The following CYP19A1 variants were observed in gnomAD, a reference collection of about 807,000 sequenced individuals.
CYP19A1 encodes cytochrome P450 family 19 subfamily A member 1, also known as aromatase.
A neutral mutation model predicts 44.4 loss-of-function variants in CYP19A1; 32 were observed. That is an observed-to-expected ratio of 0.72 (90% confidence interval 0.54 to 0.97). The LOEUF is 0.97. CYP19A1 is among the 50% of genes least tolerant of loss of function. The pLI is 0.00. For missense variants in CYP19A1, 598 were observed against 637.8 expected, an observed-to-expected ratio of 0.94 and a Z score of 0.67; for synonymous variants, 212 against 215.6, an observed-to-expected ratio of 0.98 and a Z score of 0.14.
chr15:51,299,630 A>G (rs756462260), intron 1 of CYP19A1, among the ~76,000 whole-genome samples: 8 of 152,228 alleles, frequency 5.3e-5, no homozygotes, highest in Non-Finnish European at 1.2e-4. Context: ...GTTTTCATGC[A>G]GTTCCCCACA....
chr15:51,252,450 A>G (rs557506253), intron 1 of CYP19A1, among the ~76,000 whole-genome samples: 3 of 152,366 alleles, frequency 2.0e-5, no homozygotes, highest in South Asian at 4.1e-4. Context: ...TTTCCAGGTT[A>G]TAAGAGAATA....
intron 3 of CYP19A1, among the ~76,000 whole-genome samples, chr15:51,230,296 A>G (rs1038149746): frequency 6.6e-6 from 1 of 152,172 alleles, no homozygotes; most frequent in Non-Finnish European, 1.5e-5. Context: ...GCCAGAGGCA[A>G]GTGTTATACT....
Position 51,331,942 on chromosome 15 carries a change from T to TAC in CYP19A1, c.-39+6551_-39+6552dup, listed in dbSNP as rs150596575. On this transcript the variant is annotated intron_variant, in intron 1 of 9. Coordinates refer to ENST00000396402, the MANE Select transcript of CYP19A1 (RefSeq NM_000103.4). ...GTGTATATATATATATATACACACATACACACACACACATACATATATATA... is the reference window on the plus strand; with the variant it reads ...GTGTATATATATATATATACACACATACACACACACACACATACATATATATA... 0.015 allele frequency among the ~76,000 whole-genome samples: 2,287 copies of TAC among 151,376 alleles called. 190 individuals carry two copies. In the East Asian group the frequency reaches 0.25, roughly 17 times the overall value.
At chr15:51,274,179 C>G (rs950121272) in intron 1 of CYP19A1, among the ~76,000 whole-genome samples, 3 of 152,142 alleles carry the variant, frequency 2.0e-5, no homozygotes, top group Non-Finnish European at 2.9e-5. Context: ...GTACCACACA[C>G]CAGGCAAGAA....
At chr15:51,264,551 A>C (rs1453098314) in intron 1 of CYP19A1, among the ~76,000 whole-genome samples, 2 of 152,208 alleles carry the variant, frequency 1.3e-5, no homozygotes, top group Non-Finnish European at 2.9e-5. Flanking sequence ...CACTAACACC[A>C]GCTCCCAGCA....
chr15:51,249,287 A>G (rs1005191336), intron 1 of CYP19A1, among the ~76,000 whole-genome samples: 5 of 151,956 alleles, frequency 3.3e-5, no homozygotes, highest in African/African-American at 9.7e-5. Flanking sequence ...TCTCCACTCA[A>G]AGTCTGACTC....
intron 1 of CYP19A1, among the ~76,000 whole-genome samples, chr15:51,296,979 C>T (rs1017471491): frequency 3.9e-5 from 6 of 152,128 alleles, no homozygotes; most frequent in Non-Finnish European, 7.4e-5. Context: ...AGTTGGATTG[C>T]GAACTGTTTT....
At chr15:51,211,567 G>A (rs2030987338) in intron 9 of CYP19A1, 2 of 371,470 alleles carry the variant, frequency 5.4e-6, no homozygotes, top group Admixed American at 3.5e-5. Context: ...TATAGTAGAT[G>A]TTCAATAAAT....
chr15:51,260,974 C>G (rs993982021), intron 1 of CYP19A1, among the ~76,000 whole-genome samples: 2 of 152,260 alleles, frequency 1.3e-5, no homozygotes, highest in South Asian at 4.1e-4. Flanking sequence ...CACAGTCCAC[C>G]ACTGCTGAAT....
intron 1 of CYP19A1, among the ~76,000 whole-genome samples, chr15:51,284,203 A>G (rs1472109837): frequency 6.6e-6 from 1 of 152,218 alleles, no homozygotes; most frequent in Non-Finnish European, 1.5e-5. Flanking sequence ...GGTAGTACTA[A>G]TCCTGCAGGA....
chr15:51,255,943 A>G lies in CYP19A1; in HGVS notation c.-38-12993T>C, dbSNP rs143188227. 5.3e-5 allele frequency among the ~76,000 whole-genome samples: 8 copies of G among 152,352 alleles called. No homozygotes were observed. In the East Asian group the frequency reaches 9.6e-4, roughly 18 times the overall value. ...CTATCCTGAAAATGATGGCCCCAGA[A>G]GTGACAAAGTTGCCCAAACAGTTCA... is the stretch of plus-strand genomic sequence containing the variant. On this transcript the variant is annotated intron_variant, in intron 1 of 9. Transcript: ENST00000396402.
chr15:51,318,218 T>TA (rs56163756), intron 1 of CYP19A1, among the ~76,000 whole-genome samples: 12 of 149,464 alleles, frequency 8.0e-5, no homozygotes, highest in East Asian at 3.9e-4. Context: ...TCTAAAAATG[T>TA]AAAAAAAAAA....
intron 3 of CYP19A1, among the ~76,000 whole-genome samples, chr15:51,236,623 G>A (rs1223272093): frequency 2.0e-5 from 3 of 152,166 alleles, no homozygotes; most frequent in African/African-American, 7.2e-5. Flanking sequence ...CACAGAGATT[G>A]TAAATAATTT....
At position 51,218,591 on chromosome 15, in the gene CYP19A1, T is replaced by G. The variant is rs549881495; in HGVS notation, c.693A>C (p.Pro231=). The change falls in exon 6 of 10, where the codon CCA becomes CCC. Residue 231 remains proline (P), a synonymous_variant. Transcript: ENST00000396402. ...GCCAAGAAATCTTAAAGAAGATGTC[T>G]GGTTTGATGAGGAGAGCTTGCCATG... ...FDAWQALLIK[P]DIFFKISWLY... The G allele has an allele frequency of 3.7e-6, 6 of 1,613,866 alleles. No homozygotes were observed. The African/African-American group carries it at 5.3e-5, about 14-fold the overall frequency.
chr15:51,218,213 T>G (rs2031752374), intron 6 of CYP19A1, among the ~76,000 whole-genome samples: 1 of 152,132 alleles, frequency 6.6e-6, no homozygotes, highest in Non-Finnish European at 1.5e-5. Context: ...AAAGATAATT[T>G]TGACAGATAT....
intron 1 of CYP19A1, among the ~76,000 whole-genome samples, chr15:51,283,992 A>G (rs1045536222): frequency 2.6e-5 from 4 of 152,316 alleles, no homozygotes; most frequent in South Asian, 2.1e-4. Context: ...CAGTTGGTCT[A>G]TTACTTGGAA....
intron 1 of CYP19A1, among the ~76,000 whole-genome samples, chr15:51,307,059 G>A (rs2141008205): frequency 6.6e-6 from 1 of 152,366 alleles, no homozygotes; most frequent in East Asian, 1.9e-4. Flanking sequence ...AAAGCAATCA[G>A]TGGTGGAAGT....
chr15:51,243,930 T>C (rs901598290), intron 1 of CYP19A1, among the ~76,000 whole-genome samples: 14 of 152,328 alleles, frequency 9.2e-5, no homozygotes, highest in South Asian at 2.1e-4. Context: ...AGGTGTAGGT[T>C]GAACAAACTT....
Position 51,268,309 on chromosome 15 carries a change from C to T in CYP19A1, c.-38-25359G>A, listed in dbSNP as rs577798195. 7.9e-5 allele frequency among the ~76,000 whole-genome samples: 12 copies of T among 152,368 alleles called. No individual in the cohort carries two copies. In the South Asian group the frequency reaches 2.5e-3, roughly 32 times the overall value. ...TGATTTGCTCCCTGTCATTATTGAT[C>T]AGTTCGTGCTTTCTGGAATTCTATT... is the stretch of plus-strand genomic sequence containing the variant. On this transcript the variant is annotated intron_variant, in intron 1 of 9. Transcript: ENST00000396402.
Sources: gnomAD v4.1 joint callset for allele counts (sites outside exome capture counted in the v4.1 genomes callset) on GRCh38, gnomAD v4.1.1 for gene constraint, MANE v1.5 for transcripts, NCBI Gene and HGNC (gene_info 2026-07-23, HGNC 2026-07-21) for gene names.